CRKL: variants seen among roughly 807,000 people sequenced by gnomAD.
The protein encoded by CRKL is crk-like protein.
Under a neutral mutation model 23.0 loss-of-function variants are expected in CRKL, and 3 were observed. That is an observed-to-expected ratio of 0.13 (90% CI 0.06 to 0.34). The LOEUF (loss-of-function observed/expected upper bound fraction) is 0.34, where lower values mean the gene tolerates loss of function less well. Ranked by LOEUF, CRKL falls within the 10% of genes least tolerant of loss-of-function variation. CRKL has a pLI of 1.00. For missense variants in CRKL, 256 were observed against 394.5 expected (o/e 0.65, Z 2.97); for synonymous variants, 188 against 160.7 (o/e 1.17, Z -1.28).
chr22:20,946,824 G>C (rs2147915932), intron 2 of CRKL, among the ~76,000 whole-genome samples: 1 of 152,260 alleles, frequency 6.6e-6, no homozygotes, highest in South Asian at 2.1e-4. Context: ...CCAGAATAGG[G>C]AGTGATGAGG....
intron 1 of CRKL, among the ~76,000 whole-genome samples, chr22:20,927,903 T>C (rs534597974): frequency 2.0e-5 from 3 of 148,460 alleles, no homozygotes; most frequent in African/African-American, 7.5e-5. Context: ...GGCTCATGTC[T>C]GTAATCCCAG....
At chr22:20,931,005 A>G (rs1921431206) in intron 1 of CRKL, among the ~76,000 whole-genome samples, 1 of 152,118 alleles carries the variant, frequency 6.6e-6, no homozygotes, top group Non-Finnish European at 1.5e-5. Context: ...CTATACAAAT[A>G]ATAAAATACT....
chr22:20,927,716 G>A (rs1172853232), intron 1 of CRKL, among the ~76,000 whole-genome samples: 1 of 150,110 alleles, frequency 6.7e-6, no homozygotes, highest in Non-Finnish European at 1.5e-5. Context: ...GGTGGTAGAT[G>A]CCTGTAATCC....
chr22:20,919,800 T>G (rs958976356), intron 1 of CRKL, among the ~76,000 whole-genome samples: 2 of 151,928 alleles, frequency 1.3e-5, no homozygotes, highest in Non-Finnish European at 2.9e-5. Flanking sequence ...AAAGCTATTA[T>G]AATTGAGGAC....
intron 2 of CRKL, among the ~76,000 whole-genome samples, chr22:20,940,386 T>C (rs1304945922): frequency 6.6e-6 from 1 of 152,128 alleles, no homozygotes; most frequent in Non-Finnish European, 1.5e-5. Flanking sequence ...GCTCACTGTT[T>C]TACATTTTAT....
intron 2 of CRKL, among the ~76,000 whole-genome samples, chr22:20,948,232 C>T (rs1922141099): frequency 6.6e-6 from 1 of 152,316 alleles, no homozygotes; most frequent in East Asian, 1.9e-4. Context: ...TTAGCCTCAT[C>T]TTTAATCTTC....
chr22:20,944,587 T>G (rs1921989161), intron 2 of CRKL, among the ~76,000 whole-genome samples: 1 of 151,430 alleles, frequency 6.6e-6, no homozygotes, highest in Admixed American at 6.6e-5. Context: ...GTATTTTTAG[T>G]AGAGATGGGG....
At chr22:20,945,075 G>C (rs1383660575) in intron 2 of CRKL, among the ~76,000 whole-genome samples, 1 of 151,192 alleles carries the variant, frequency 6.6e-6, no homozygotes, top group African/African-American at 2.4e-5. Context: ...CTCACTGCAA[G>C]CGCCACCTCC....
At chr22:20,920,893 C>T (rs1170538833) in intron 1 of CRKL, among the ~76,000 whole-genome samples, 2 of 152,196 alleles carry the variant, frequency 1.3e-5, no homozygotes, top group Non-Finnish European at 2.9e-5. Context: ...TTCTCCTTCT[C>T]TGTGCCCTCT....
intron 1 of CRKL, among the ~76,000 whole-genome samples, chr22:20,923,501 TCTC>T (rs1921067024): frequency 2.0e-5 from 3 of 151,652 alleles, no homozygotes; most frequent in Admixed American, 6.6e-5. Context: ...ATGGTCTCGA[TCTC>T]CTGACCTCGT....
chr22:20,923,550 T>C (rs78653005), intron 1 of CRKL, among the ~76,000 whole-genome samples: 13 of 150,942 alleles, frequency 8.6e-5, no homozygotes, highest in South Asian at 2.1e-4. Flanking sequence ...GTGCTGGGAT[T>C]ACAGTTATGA....
At chr22:20,943,919 C>T (rs983035434) in intron 2 of CRKL, among the ~76,000 whole-genome samples, 2 of 152,146 alleles carry the variant, frequency 1.3e-5, no homozygotes, top group African/African-American at 4.8e-5. Context: ...CATATGCCAG[C>T]ACCACACTGT....
chr22:20,918,029 G>T lies in CRKL; in HGVS notation c.95G>T (p.Arg32Leu), dbSNP rs199641129. 1 of 1,614,228 alleles carries T rather than the reference G, an allele frequency of 6.2e-7. No individual in the cohort carries two copies. The highest frequency in any genetic ancestry group is 8.5e-7 in the Non-Finnish European group (1 of 1,180,044). ...QEAQTRLQGQ[R>L]HGMFLVRDSS... Reference sequence around the variant, plus strand: ...GCGCAGACCCGGCTCCAGGGCCAGCGCCACGGTATGTTCCTCGTCCGCGAT... The same window carrying T: ...GCGCAGACCCGGCTCCAGGGCCAGCTCCACGGTATGTTCCTCGTCCGCGAT... The change falls in exon 1 of 3, where the codon CGC (arginine) becomes CTC (leucine). Residue 32 changes from arginine (R) to leucine (L), a missense_variant. Around this residue, in one of 3 missense-constraint regions of CRKL, gnomAD observed 85 missense variants for 139.8 expected, o/e 0.61. Transcript: ENST00000354336.
intron 1 of CRKL, among the ~76,000 whole-genome samples, chr22:20,929,148 CATTTTATTTT>C (rs756850112): frequency 1.1e-4 from 17 of 151,918 alleles, no homozygotes; most frequent in African/African-American, 3.9e-4. Context: ...AAACCCTGTG[CATTTTATTTT>C]ATTTTATTTT....
chr22:20,927,130 A>AAAAAAAAAAAAAAAAAGAG (rs1921240526), intron 1 of CRKL, among the ~76,000 whole-genome samples: 1 of 139,858 alleles, frequency 7.2e-6, no homozygotes, highest in African/African-American at 2.7e-5. Flanking sequence ...AAAAAAAAAA[A>AAAAAAAAAAAAAAAAAGAG]AAAAAAGAAT....
chr22:20,940,516 A>G (rs1053400091), intron 2 of CRKL, among the ~76,000 whole-genome samples: 2 of 149,798 alleles, frequency 1.3e-5, no homozygotes, highest in African/African-American at 4.9e-5. Flanking sequence ...GCTGTTTGCC[A>G]GTGTGTTTGG....
chr22:20,941,894 G>A (rs1921897653), intron 2 of CRKL, among the ~76,000 whole-genome samples: 1 of 152,096 alleles, frequency 6.6e-6, no homozygotes, highest in Non-Finnish European at 1.5e-5. Flanking sequence ...TTCCTAATGT[G>A]TAAATTAAGT....
intron 1 of CRKL, among the ~76,000 whole-genome samples, chr22:20,932,417 G>A (rs920544119): frequency 6.6e-6 from 1 of 152,030 alleles, no homozygotes; most frequent in African/African-American, 2.4e-5. Flanking sequence ...TTTTAATTTG[G>A]CAAGTCTGTA....
chr22:20,941,742 C>T (rs927883752), intron 2 of CRKL, among the ~76,000 whole-genome samples: 14 of 150,714 alleles, frequency 9.3e-5, no homozygotes, highest in Non-Finnish European at 1.6e-4. Context: ...TACAGGTGCC[C>T]GCCACCAGGC....
Sources: allele counts gnomAD v4.1 joint callset (sites outside exome capture counted in the v4.1 genomes callset), GRCh38; gene constraint gnomAD v4.1.1; regional missense constraint gnomAD v4.1.1; transcripts MANE v1.5; gene names NCBI Gene and HGNC (gene_info 2026-07-23, HGNC 2026-07-21).